The following CCDC171 variants were observed in gnomAD, a reference collection of about 807,000 sequenced individuals.
The protein encoded by CCDC171 is coiled-coil domain containing 171, also known as coiled-coil domain-containing protein 171.
CCDC171 carries 177 observed loss-of-function variants against 168.2 expected under a neutral mutation model. That is an observed-to-expected ratio of 1.05 (90% CI 0.93 to 1.19). The LOEUF is 1.19. CCDC171 is among the 50% of genes most tolerant of loss of function. The pLI, the probability that CCDC171 is intolerant of heterozygous loss-of-function variation, is 0.00. For synonymous variants in CCDC171, 687 were observed against 540.8 expected (o/e 1.27, Z -3.75); for missense variants, 1,991 against 1,539.0 (o/e 1.29, Z -4.91).
rs574988022 is a variant in CCDC171, at chr9:15,821,866, G to A, written c.3268-24836G>A. Among the ~76,000 whole-genome samples, 189 of 52,038 alleles carry A rather than the reference G, an allele frequency of 3.6e-3. 47 individuals are homozygous for A. The highest frequency in any genetic ancestry group is 0.012 in the African/African-American group (166 of 13,630). The allele number at this position is 52,038 out of a possible 152,430, so 34.1% of individuals were successfully genotyped here. Reference sequence around the variant, plus strand: ...TTCATATGGAACCAAAAAAGAGCCCGCATCGCCAAGTCAATCCTAAGCCAA... The same window carrying A: ...TTCATATGGAACCAAAAAAGAGCCCACATCGCCAAGTCAATCCTAAGCCAA... On this transcript the variant is annotated intron_variant, in intron 21 of 25. Coordinates refer to ENST00000380701, the MANE Select transcript of CCDC171 (RefSeq NM_173550.4).
At chr9:16,035,463 T>C (rs1833448220) in exon 7 of CCDC171, 1 of 152,206 alleles carries the variant, frequency 6.6e-6, no homozygotes, top group Admixed American at 6.5e-5. Context: ...CTAGGATCTG[T>C]GGCGAATGTC....
chr9:15,803,020 T>A (rs139475627), intron 21 of CCDC171, among the ~76,000 whole-genome samples: 1 of 152,318 alleles, frequency 6.6e-6, no homozygotes, highest in African/African-American at 2.4e-5. Flanking sequence ...ATGTTGAGCT[T>A]ATTTTCATAT....
intron 1 of CCDC171, among the ~76,000 whole-genome samples, chr9:15,560,739 C>G (rs1363388881): frequency 1.3e-5 from 2 of 152,162 alleles, no homozygotes; most frequent in Non-Finnish European, 2.9e-5. Context: ...CTTAACTCAT[C>G]AAAGTCATTC....
chr9:15,755,520 G>A (rs2056052121), intron 18 of CCDC171, among the ~76,000 whole-genome samples: 1 of 152,138 alleles, frequency 6.6e-6, no homozygotes, highest in African/African-American at 2.4e-5. Context: ...AATGTTCATA[G>A]CATCAGTACG....
intron 21 of CCDC171, among the ~76,000 whole-genome samples, chr9:15,823,322 A>T (rs1254912486): frequency 1.3e-5 from 2 of 152,132 alleles, no homozygotes; most frequent in Non-Finnish European, 2.9e-5. Flanking sequence ...CTTAAAGTAT[A>T]ATAATAATAA....
chr9:15,925,948 A>C (rs1422307168), intron 25 of CCDC171, among the ~76,000 whole-genome samples: 2 of 151,616 alleles, frequency 1.3e-5, no homozygotes, highest in Non-Finnish European at 3.0e-5. Context: ...AGAAATAATC[A>C]TTAAGTGGAC....
rs547483946 is a variant in CCDC171 at position 15,995,663 on chromosome 9, G to T, written n.369-24926G>T. On this transcript the variant is annotated intron_variant and non_coding_transcript_variant, in intron 3 of 9. Transcript: ENST00000486641. Reference sequence around the variant, plus strand: ...CTCGTATCAGATTTTAATCAGTGATGACCTTGACAAACTCATCAATGAATT... The same window carrying T: ...CTCGTATCAGATTTTAATCAGTGATTACCTTGACAAACTCATCAATGAATT... Among the ~76,000 whole-genome samples the T allele has an allele frequency of 5.3e-5, 8 of 152,316 alleles. No individual in the cohort carries two copies. In the South Asian group the frequency reaches 1.5e-3, roughly 28 times the overall value.
intron 18 of CCDC171, among the ~76,000 whole-genome samples, chr9:15,772,787 C>T (rs563766355): frequency 1.4e-4 from 22 of 151,998 alleles, no homozygotes; most frequent in African/African-American, 4.8e-4. Context: ...GATTGAAGAG[C>T]GGGAAGACTA....
chr9:15,787,219 TATC>T (rs894374380), intron 21 of CCDC171, among the ~76,000 whole-genome samples: 11 of 152,194 alleles, frequency 7.2e-5, no homozygotes, highest in African/African-American at 2.7e-4. Context: ...TTCACATACT[TATC>T]ATTTCTTTGT....
At chr9:15,802,034 G>A (rs1201678903) in intron 21 of CCDC171, among the ~76,000 whole-genome samples, 2 of 151,668 alleles carry the variant, frequency 1.3e-5, no homozygotes, top group South Asian at 4.2e-4. Flanking sequence ...ATTCTGTTGG[G>A]GATTTTTGCC....
rs924058729 is a variant in CCDC171, at chr9:15,744,434, C to A, written c.2211C>A (p.Ala737=). 5 of 1,614,120 alleles carry A rather than the reference C, an allele frequency of 3.1e-6. No individual in the cohort carries two copies. The highest frequency in any genetic ancestry group is 4.2e-6 in the Non-Finnish European group (5 of 1,180,020). The part of the protein sequence containing the change: ...LLAACALMAG[A]LYPLYSRSCA... ...CAGCCTGTGCATTAATGGCTGGTGCCTTATATCCCCTCTATAGCCGATCAT... is the reference window on the plus strand; with the variant it reads ...CAGCCTGTGCATTAATGGCTGGTGCATTATATCCCCTCTATAGCCGATCAT... The change falls in exon 17 of 26, where the codon GCC becomes GCA. Residue 737 remains alanine (A), a synonymous_variant. Transcript: ENST00000380701.
At chr9:15,961,268 A>G (rs1830304314) in intron 25 of CCDC171, among the ~76,000 whole-genome samples, 1 of 152,192 alleles carries the variant, frequency 6.6e-6, no homozygotes, top group Non-Finnish European at 1.5e-5. Context: ...AATTTTTGAC[A>G]TTAAATAAAA....
At chr9:15,623,473 G>GCTCA in intron 7 of CCDC171, 60 bp downstream of exon 7, 1 of 464,172 alleles carries the variant, frequency 2.2e-6, no homozygotes, top group Non-Finnish European at 3.6e-6. Flanking sequence ...ATGCGCGCGC[G>GCTCA]CGCACACACA....
chr9:15,799,160 A>G (rs2058699974), intron 21 of CCDC171, among the ~76,000 whole-genome samples: 1 of 136,404 alleles, frequency 7.3e-6, no homozygotes, highest in East Asian at 2.1e-4. Flanking sequence ...ATATATATAT[A>G]TATATACCAT....
At chr9:15,978,606 A>G (rs755683650), downstream of CCDC171, among the ~76,000 whole-genome samples, 2 of 152,300 alleles carry the variant, frequency 1.3e-5, no homozygotes, top group East Asian at 1.9e-4. Context: ...GTATCACTGT[A>G]TGTCTAAATA....
intron 7 of CCDC171, among the ~76,000 whole-genome samples, chr9:15,628,877 A>C (rs979603857): frequency 2.0e-5 from 3 of 152,164 alleles, no homozygotes; most frequent in Non-Finnish European, 4.4e-5. Flanking sequence ...GTTCACGAAA[A>C]TCCGCTGTTC....
At chr9:16,028,936 G>A (rs1165905605) in intron 6 of CCDC171, among the ~76,000 whole-genome samples, 1 of 152,094 alleles carries the variant, frequency 6.6e-6, no homozygotes, top group Admixed American at 6.6e-5. Context: ...CTGTACTGTA[G>A]TCTGACAGCT....
the CCDC171 span, among the ~76,000 whole-genome samples, chr9:16,096,124 T>G: frequency 1.3e-5 from 2 of 152,082 alleles, no homozygotes; most frequent in Non-Finnish European, 2.9e-5. Context: ...TGGAATTTAT[T>G]CATGTTTTAT....
At chr9:15,722,916 C>T (rs1302982438) in intron 12 of CCDC171, among the ~76,000 whole-genome samples, 1 of 152,102 alleles carries the variant, frequency 6.6e-6, no homozygotes, top group African/African-American at 2.4e-5. Context: ...TCTTCTGAGG[C>T]CTAGGTCTGG....
Sources: gnomAD v4.1 joint callset for allele counts (sites outside exome capture counted in the v4.1 genomes callset) on GRCh38, gnomAD v4.1.1 for gene constraint, MANE v1.5 for transcripts, NCBI Gene and HGNC (gene_info 2026-07-23, HGNC 2026-07-21) for gene names.